PCDH15: variants seen among roughly 807,000 people sequenced by gnomAD.
The protein encoded by PCDH15 is protocadherin-15.
PCDH15 carries 129 observed loss-of-function variants against 178.5 expected under a neutral mutation model. The observed-to-expected ratio is 0.72, with a 90% CI of 0.63 to 0.84. PCDH15 has a LOEUF of 0.84. Ranked by LOEUF, PCDH15 falls within the 40% of genes least tolerant of loss-of-function variation. The probability of loss-of-function intolerance (pLI) is 0.00; values close to 1 mark genes in which losing one functional copy is unlikely to be tolerated. For missense variants in PCDH15, 2,230 were observed against 2,099.9 expected (o/e 1.06, Z -1.21); for synonymous variants, 800 against 732.0 (o/e 1.09, Z -1.50).
chr10:54,639,451 C>G (rs2093942244), intron 2 of PCDH15, among the ~76,000 whole-genome samples: 2 of 151,924 alleles, frequency 1.3e-5, no homozygotes, highest in African/African-American at 4.8e-5. Context: ...AAAAAAAGGT[C>G]TCAGAAGTTT....
intron 2 of PCDH15, among the ~76,000 whole-genome samples, chr10:55,016,128 G>T (rs1318334756): frequency 2.1e-5 from 3 of 144,214 alleles, no homozygotes; most frequent in Non-Finnish European, 4.5e-5. Flanking sequence ...AAGACTGTGG[G>T]TACAAACTAG....
At chr10:54,308,393 A>G (rs899703625) in intron 8 of PCDH15, among the ~76,000 whole-genome samples, 2 of 152,154 alleles carry the variant, frequency 1.3e-5, no homozygotes, top group African/African-American at 4.8e-5. Context: ...CTTTGTTCAT[A>G]CAACTAAACT....
In PCDH15 at chr10:55,236,093, GT is replaced by G. The variant is rs201948920; in HGVS notation, c.-155-69443del. On this transcript the variant is annotated intron_variant, in intron 1 of 5. Transcript: ENST00000458638. ...TCTTTCTTTTATTCTCTGTCCTGCT[GT>G]TTTTTTTCTTAATTTGAAAGGTAGT... 6.6e-5 allele frequency among the ~76,000 whole-genome samples: 10 copies of G among 151,478 alleles called. No individual in the cohort carries two copies. The East Asian group carries it at 9.7e-4, about 15-fold the overall frequency.
At chr10:55,126,750 G>A (rs1837909681) in intron 2 of PCDH15, among the ~76,000 whole-genome samples, 1 of 151,858 alleles carries the variant, frequency 6.6e-6, no homozygotes, top group South Asian at 2.1e-4. Flanking sequence ...TGATATAAAA[G>A]GAATACTAGG....
intron 2 of PCDH15, among the ~76,000 whole-genome samples, chr10:55,578,449 G>A (rs1454993391): frequency 6.6e-6 from 1 of 152,090 alleles, no homozygotes; most frequent in Non-Finnish European, 1.5e-5. Flanking sequence ...TCGATCTGCT[G>A]ACCTCACGAT....
chr10:54,253,505 A>G (rs9804198), intron 8 of PCDH15, among the ~76,000 whole-genome samples: 104,055 of 151,824 alleles, frequency 0.69, 36,649 homozygotes, highest in Middle Eastern at 0.76. Flanking sequence ...ATCATCCAGC[A>G]TAGAGGACAC....
At chr10:55,133,374 C>G (rs1468409565) in intron 2 of PCDH15, among the ~76,000 whole-genome samples, 1 of 152,134 alleles carries the variant, frequency 6.6e-6, no homozygotes, top group Non-Finnish European at 1.5e-5. Flanking sequence ...ACACCATACT[C>G]TAAACGTTTT....
intron 1 of PCDH15, among the ~76,000 whole-genome samples, chr10:55,297,754 T>C (rs1162273896): frequency 1.3e-5 from 2 of 152,172 alleles, no homozygotes; most frequent in South Asian, 4.2e-4. Context: ...AGGACCCTAG[T>C]AAGGGGCTGG....
intron 2 of PCDH15, among the ~76,000 whole-genome samples, chr10:54,656,771 G>C (rs1185545570): frequency 6.6e-6 from 1 of 152,144 alleles, no homozygotes; most frequent in Non-Finnish European, 1.5e-5. Flanking sequence ...TCCAAAGCCT[G>C]CCTTGAGAGA....
intron 1 of PCDH15, among the ~76,000 whole-genome samples, chr10:54,732,981 G>T (rs985683905): frequency 2.0e-5 from 3 of 151,462 alleles, no homozygotes; most frequent in African/African-American, 4.8e-5. Context: ...ATTTGTTTAT[G>T]ATATACACTT....
Position 55,469,421 on chromosome 10 carries a change from A to G in PCDH15, c.-156+158204T>C, listed in dbSNP as rs1839909882. 2.0e-5 allele frequency among the ~76,000 whole-genome samples: 3 copies of G among 152,140 alleles called. No individual in the cohort carries two copies. In the South Asian group the frequency reaches 6.2e-4, roughly 32 times the overall value. ...ATGCATATATCTGATCTGAGCAATA[A>G]CTAATAATTTTTATAGAAATACATT... is the stretch of plus-strand genomic sequence containing the variant. On this transcript the variant is annotated intron_variant, in intron 2 of 5. Coordinates refer to the PCDH15 transcript ENST00000613346.
chr10:54,647,889 C>A (rs930783876), intron 2 of PCDH15, among the ~76,000 whole-genome samples: 2 of 151,978 alleles, frequency 1.3e-5, no homozygotes, highest in African/African-American at 4.8e-5. Flanking sequence ...TTTCTTACTC[C>A]TTCTTCCCTA....
At chr10:54,882,162 T>G (rs1954275825) in intron 3 of PCDH15, among the ~76,000 whole-genome samples, 1 of 152,110 alleles carries the variant, frequency 6.6e-6, no homozygotes, top group African/African-American at 2.4e-5. Context: ...GAGAAGAATC[T>G]CATCTGTTAT....
At chr10:55,586,253 TCTAA>T (rs1387034038) in intron 2 of PCDH15, among the ~76,000 whole-genome samples, 4 of 152,056 alleles carry the variant, frequency 2.6e-5, no homozygotes, top group African/African-American at 9.7e-5. Flanking sequence ...TAAACTCTCA[TCTAA>T]CTTACTACGA....
chr10:53,930,241 G>A (rs376390371), intron 25 of PCDH15, among the ~76,000 whole-genome samples: 5 of 151,764 alleles, frequency 3.3e-5, no homozygotes, highest in South Asian at 2.1e-4. Context: ...GGCAGATCAC[G>A]AGGTCAGGAG....
chr10:54,353,913 C>T (rs1302569769), intron 5 of PCDH15, among the ~76,000 whole-genome samples: 2 of 152,082 alleles, frequency 1.3e-5, no homozygotes, highest in African/African-American at 4.8e-5. Flanking sequence ...ATAAATAACT[C>T]TATCTTTACT....
In PCDH15 at chr10:54,500,418, C is replaced by T. The variant is rs193161359; in HGVS notation, c.157+27394G>A. Among the ~76,000 whole-genome samples the T allele has an allele frequency of 1.9e-3, 290 of 152,158 alleles. 1 individual carries two copies. Among genetic ancestry groups the T allele is most frequent in the African/African-American group, 6.6e-3 (274 of 41,538 alleles). On this transcript the variant is annotated intron_variant, in intron 3 of 37. Coordinates refer to ENST00000644397, the MANE Select transcript of PCDH15 (RefSeq NM_001384140.1). ...CATGCAATTTACCCATGTAATAAAC[C>T]TGTACATGTATCCCATGAACCTAAA...
Position 54,378,954 on chromosome 10 carries a change from A to G in PCDH15, c.158-12T>C. ...CACCAGAATTGTACCTGCAAACCAA[A>G]GAAAGGTACTTGAAAACATATTCTA... On this transcript the variant is annotated splice_polypyrimidine_tract_variant and intron_variant, in intron 3 of 37. Coordinates refer to ENST00000644397, the MANE Select transcript of PCDH15 (RefSeq NM_001384140.1). 6.2e-7 allele frequency: 1 copy of G among 1,613,454 alleles called. No homozygotes were observed.
At chr10:54,059,120 T>C (rs971622581) in intron 18 of PCDH15, among the ~76,000 whole-genome samples, 19 of 152,222 alleles carry the variant, frequency 1.2e-4, no homozygotes, top group African/African-American at 3.9e-4. Flanking sequence ...GAACAACTTT[T>C]TCAGCTCCAG....
Sources: allele counts gnomAD v4.1 joint callset (sites outside exome capture counted in the v4.1 genomes callset), GRCh38; gene constraint gnomAD v4.1.1; transcripts MANE v1.5; gene names NCBI Gene and HGNC (gene_info 2026-07-23, HGNC 2026-07-21).